ERO1B: variants seen among roughly 807,000 people sequenced by gnomAD.
The protein encoded by ERO1B is endoplasmic reticulum oxidoreductase 1 beta, also known as ERO1-like protein beta.
In ERO1B, 49 loss-of-function variants were observed where a neutral mutation model predicts 75.3. That is an observed-to-expected ratio of 0.65 (90% CI 0.52 to 0.83). The LOEUF is 0.83. ERO1B is among the 40% of genes least tolerant of loss of function. ERO1B has a pLI of 0.00. For synonymous variants in ERO1B, 191 were observed against 192.9 expected (o/e 0.99, Z 0.08); for missense variants, 512 against 560.1 (o/e 0.91, Z 0.87).
At position 236,249,726 on chromosome 1, in the gene ERO1B, G is replaced by A. The variant is rs557041507; in HGVS notation, c.431+159C>T. Reference sequence around the variant, plus strand: ...GATAAATCAGCCAAGAAGAGGCAAAGCTATTATGAAATTTAGGATAAAGAA... The same window carrying A: ...GATAAATCAGCCAAGAAGAGGCAAAACTATTATGAAATTTAGGATAAAGAA... On this transcript the variant is annotated intron_variant, in intron 5 of 15. Coordinates refer to ENST00000354619, the MANE Select transcript of ERO1B (RefSeq NM_019891.4). Among the ~76,000 whole-genome samples the A allele has an allele frequency of 9.2e-5, 14 of 152,164 alleles. No individual in the cohort carries two copies. In the South Asian group the frequency reaches 2.7e-3, roughly 29 times the overall value.
chr1:236,238,345 A>C (rs965513744), intron 6 of ERO1B, among the ~76,000 whole-genome samples: 7 of 152,230 alleles, frequency 4.6e-5, no homozygotes, highest in Middle Eastern at 3.4e-3. Context: ...TTAAAATCTT[A>C]ATTTAAAATA....
At chr1:236,257,208 T>C (rs903768547) in intron 2 of ERO1B, among the ~76,000 whole-genome samples, 7 of 152,166 alleles carry the variant, frequency 4.6e-5, no homozygotes, top group African/African-American at 9.7e-5. Context: ...ACTAGAATAC[T>C]GCCAAGGCTG....
intron 2 of ERO1B, among the ~76,000 whole-genome samples, chr1:236,258,612 T>G (rs967614398): frequency 1.3e-5 from 2 of 152,072 alleles, no homozygotes; most frequent in African/African-American, 4.8e-5. Context: ...AACGGCTGGG[T>G]GCAGGGGCTT....
At chr1:236,280,230 T>C (rs770956039) in intron 1 of ERO1B, among the ~76,000 whole-genome samples, 9 of 152,162 alleles carry the variant, frequency 5.9e-5, no homozygotes, top group Non-Finnish European at 1.3e-4. Context: ...CATAAATTAA[T>C]ATGTGCTATA....
intron 13 of ERO1B, 65 bp from the exon 14 acceptor site, chr1:236,222,075 G>A (rs989477862): frequency 2.4e-4 from 295 of 1,226,008 alleles, no homozygotes; most frequent in Non-Finnish European, 3.3e-4. Context: ...TTGGCTAAAC[G>A]ATAAGTAAGT....
chr1:236,279,510 A>AAAAAAAAAAAAC (rs1665778367), intron 1 of ERO1B, among the ~76,000 whole-genome samples: 1 of 144,434 alleles, frequency 6.9e-6, no homozygotes, highest in South Asian at 2.2e-4. Flanking sequence ...ATCTCAAAAA[A>AAAAAAAAAAAAC]AAAAAAAAAA....
chr1:236,234,053 G>T (rs1177438361), intron 8 of ERO1B, among the ~76,000 whole-genome samples: 1 of 152,196 alleles, frequency 6.6e-6, no homozygotes, highest in African/African-American at 2.4e-5. Context: ...AAATGTGGAA[G>T]AAAGAGTTAA....
At chr1:236,255,774 A>C (rs1211195435) in intron 2 of ERO1B, among the ~76,000 whole-genome samples, 1 of 152,148 alleles carries the variant, frequency 6.6e-6, no homozygotes, top group Non-Finnish European at 1.5e-5. Context: ...CTCAGCCTGG[A>C]CACCTCCCTT....
In ERO1B at chr1:236,281,702, G is replaced by A. The variant is rs1197136418; in HGVS notation, c.82C>T (p.Arg28Trp). 1 of 1,493,748 alleles carries A rather than the reference G, an allele frequency of 6.7e-7. No individual in the cohort carries two copies. The highest frequency in any genetic ancestry group is 8.9e-7 in the Non-Finnish European group (1 of 1,122,390). The allele number at this position is 1,493,748 out of a possible 1,614,324, so 92.5% of individuals were successfully genotyped here. A position where few individuals can be genotyped will look rare whatever the true frequency, so the allele number is the denominator to read the frequency against. Reference sequence around the variant, plus strand: ...CTTACCTGCGCCTCGACGACGCTCCGCAGGAAGCTCAGGGTGACCAGCAGC... The same window carrying A: ...CTTACCTGCGCCTCGACGACGCTCCACAGGAAGCTCAGGGTGACCAGCAGC... Reference protein sequence around the residue: ...VQLLVTLSFLRSVVEAQVTGV... With the variant: ...VQLLVTLSFLWSVVEAQVTGV... Residue 28 changes from arginine (R) to tryptophan (W), a missense_variant, in exon 1 of 16, where the codon CGG (arginine) becomes TGG (tryptophan). Arg to Trp is a moderately radical substitution (Grantham distance 101). Coordinates refer to ENST00000354619, the MANE Select transcript of ERO1B (RefSeq NM_019891.4).
Position 236,236,386 on chromosome 1 carries a change from G to A in ERO1B, c.518C>T (p.Pro173Leu). 6.2e-7 allele frequency: 1 copy of A among 1,613,338 alleles called. No individual in the cohort carries two copies. Among genetic ancestry groups the A allele is most frequent in the Non-Finnish European group, 8.5e-7 (1 of 1,179,670 alleles). The change falls in exon 7 of 16, where the codon CCA becomes CTA. Residue 173 changes from proline to leucine, a missense_variant. Pro to Leu is a moderately conservative substitution (Grantham distance 98). Coordinates refer to ENST00000354619, the MANE Select transcript of ERO1B (RefSeq NM_019891.4). The stretch of plus-strand genomic sequence containing the variant: ...CAATAGGTCTACATACTGAGCAGCT[G>A]GAGATCTCTCATCTGAACAAGAAAA... The part of the protein sequence containing the change: ...HFCELDDERS[P>L]AAQYVDLLLN...
intron 1 of ERO1B, among the ~76,000 whole-genome samples, chr1:236,274,188 T>C (rs777025876): frequency 6.6e-6 from 1 of 152,104 alleles, no homozygotes; most frequent in Non-Finnish European, 1.5e-5. Flanking sequence ...TTCACCATGT[T>C]GGCCAGGCTG....
intron 8 of ERO1B, among the ~76,000 whole-genome samples, chr1:236,235,476 TG>T (rs1664517069): frequency 2.0e-5 from 3 of 152,246 alleles, no homozygotes; most frequent in African/African-American, 7.2e-5. Context: ...GCGTAGGGCC[TG>T]AGCAACCAGA....
rs752967838 is a variant in ERO1B at position 236,277,712 on chromosome 1, A to G, written c.102+3970T>C. On this transcript the variant is annotated intron_variant, in intron 1 of 15. Coordinates refer to ENST00000354619, the MANE Select transcript of ERO1B (RefSeq NM_019891.4). ...TTTTAGTAAGGTATGAACTGAGAGTAAGGATAGATGAAAAGGTGATGGAGA... is the reference window on the plus strand; with the variant it reads ...TTTTAGTAAGGTATGAACTGAGAGTGAGGATAGATGAAAAGGTGATGGAGA... 5.7e-4 allele frequency among the ~76,000 whole-genome samples: 87 copies of G among 152,338 alleles called. No homozygotes were observed. In the Middle Eastern group the frequency reaches 0.02, roughly 36 times the overall value.
chr1:236,253,273 T>C lies in ERO1B; in HGVS notation c.306+149A>G, dbSNP rs6674925. On this transcript the variant is annotated intron_variant, in intron 3 of 15. Transcript: ENST00000354619. ...TTGGTGTCAAGTATAGAATCTTCAATAATCTGGTTCTAAAGGAGAGAGCTG... is the reference window on the plus strand; with the variant it reads ...TTGGTGTCAAGTATAGAATCTTCAACAATCTGGTTCTAAAGGAGAGAGCTG... The C allele has an allele frequency of 5.7e-3, 3,344 of 585,394 alleles. 83 individuals carry two copies. The highest frequency in any genetic ancestry group is 0.054 in the African/African-American group (2,854 of 53,048). The allele number at this position is 585,394 out of a possible 1,614,324, so 36.3% of individuals were successfully genotyped here. A position where few individuals can be genotyped will look rare whatever the true frequency, so the allele number is the denominator to read the frequency against.
At chr1:236,269,638 C>T (rs958272265) in intron 2 of ERO1B, among the ~76,000 whole-genome samples, 2 of 152,182 alleles carry the variant, frequency 1.3e-5, no homozygotes, top group African/African-American at 4.8e-5. Flanking sequence ...TCTATAGAGA[C>T]AGTAGTCTCT....
intron 14 of ERO1B, 170 bp downstream of exon 14, chr1:236,221,754 A>C: frequency 1.8e-6 from 1 of 552,636 alleles, no homozygotes; most frequent in Non-Finnish European, 3.2e-6. Flanking sequence ...CCTTTCACAT[A>C]CATGTAACAC....
At chr1:236,271,628 T>C (rs754949974) in intron 1 of ERO1B, among the ~76,000 whole-genome samples, 5 of 151,916 alleles carry the variant, frequency 3.3e-5, no homozygotes, top group Non-Finnish European at 5.9e-5. Context: ...AAAAGCTCCC[T>C]AGGTTTTAAA....
chr1:236,248,617 G>A (rs547715396), intron 5 of ERO1B, among the ~76,000 whole-genome samples: 2 of 152,080 alleles, frequency 1.3e-5, no homozygotes, highest in South Asian at 4.1e-4. Context: ...AAAGCAAAAT[G>A]TACAATGAAA....
chr1:236,232,284 C>T (rs1049039342), intron 9 of ERO1B, among the ~76,000 whole-genome samples: 2 of 152,212 alleles, frequency 1.3e-5, no homozygotes, highest in Non-Finnish European at 2.9e-5. Context: ...ATGTTTTAAA[C>T]ATCTTCCTAC....
Sources: allele counts gnomAD v4.1 joint callset (sites outside exome capture counted in the v4.1 genomes callset), GRCh38; gene constraint gnomAD v4.1.1; transcripts MANE v1.5; gene names NCBI Gene and HGNC (gene_info 2026-07-23, HGNC 2026-07-21).